The following SCN9A variants were observed in gnomAD, a reference collection of about 807,000 sequenced individuals.
SCN9A encodes the protein sodium channel protein type 9 subunit alpha.
In SCN9A, 131 loss-of-function variants were observed where a neutral mutation model predicts 187.0. The ratio of observed to expected loss-of-function variants is 0.70; its 90% CI spans 0.61 to 0.81. SCN9A has a LOEUF of 0.81. Ranked by LOEUF, SCN9A falls within the 30% of genes least tolerant of loss-of-function variation. The pLI is 0.00. For synonymous variants in SCN9A, 809 were observed against 808.6 expected, an observed-to-expected ratio of 1.00 and a Z score of -0.01; for missense variants, 2,252 against 2,396.6, an observed-to-expected ratio of 0.94 and a Z score of 1.26.
At position 166,197,488 on chromosome 2, in the gene SCN9A, A is replaced by T. The variant is rs11902920; in HGVS notation, c.*1184T>A. 1 of 152,166 alleles carries T rather than the reference A, an allele frequency of 6.6e-6. No individual in the cohort carries two copies. Among genetic ancestry groups the T allele is most frequent in the African/African-American group, 2.4e-5 (1 of 41,434 alleles). The allele number at this position is 152,166 out of a possible 1,614,324, so 9.4% of individuals were successfully genotyped here. On this transcript the variant is annotated 3_prime_UTR_variant, in exon 27 of 27. Transcript: ENST00000642356. ...AATTTAGGAAAGTAAGTTGGTGGCAAGAGAGCAAGTTGGCAAGAATCCCTA... is the reference window on the plus strand; with the variant it reads ...AATTTAGGAAAGTAAGTTGGTGGCATGAGAGCAAGTTGGCAAGAATCCCTA...
chr2:166,258,246 G>A (rs550846748), intron 17 of SCN9A, among the ~76,000 whole-genome samples: 51 of 151,498 alleles, frequency 3.4e-4, no homozygotes, highest in South Asian at 2.9e-3. Flanking sequence ...ATACATTTTA[G>A]AAATATTCAA....
rs185622259 is a variant in SCN9A, at chr2:166,358,233, C to A, written c.-51+17464G>T. Among the ~76,000 whole-genome samples, 502 of 151,950 alleles carry A rather than the reference C, an allele frequency of 3.3e-3. 5 individuals carry two copies. Among genetic ancestry groups the A allele is most frequent in the African/African-American group, 0.012 (481 of 41,428 alleles). ...TAGAGGTACCCACCACCACACCCGG[C>A]TAATTTTTGTACCTTTAGTAGAGAC... is the stretch of plus-strand genomic sequence containing the variant. On this transcript the variant is annotated intron_variant, in intron 1 of 26. Coordinates refer to ENST00000642356, the MANE Select transcript of SCN9A (RefSeq NM_001365536.1).
chr2:166,290,739 T>G (rs751608092), intron 9 of SCN9A, among the ~76,000 whole-genome samples: 3 of 152,098 alleles, frequency 2.0e-5, no homozygotes, highest in African/African-American at 7.2e-5. Context: ...TTCATATCCT[T>G]TGCCCACTTT....
At chr2:166,250,815 A>G (rs1376155908) in intron 18 of SCN9A, among the ~76,000 whole-genome samples, 2 of 152,092 alleles carry the variant, frequency 1.3e-5, no homozygotes, top group African/African-American at 4.8e-5. Context: ...CTCACATTTT[A>G]GTGTGCATGC....
chr2:166,201,908 A>C (rs1558943115), intron 26 of SCN9A, among the ~76,000 whole-genome samples: 2 of 151,584 alleles, frequency 1.3e-5, no homozygotes, highest in African/African-American at 4.8e-5. Flanking sequence ...ATTTATTTGC[A>C]TTTTTTGTGA....
intron 4 of SCN9A, 117 bp from the exon 5 acceptor site, chr2:166,306,037 T>C: frequency 1.6e-6 from 2 of 1,227,670 alleles, no homozygotes; most frequent in South Asian, 2.9e-5. Flanking sequence ...AGGATGGCTG[T>C]TGGGTTATGG....
At position 166,196,371 on chromosome 2, in the gene SCN9A, A is replaced by G. The variant is rs1170423697; in HGVS notation, c.*2301T>C. 3 of 152,178 alleles carry G rather than the reference A, an allele frequency of 2.0e-5. No individual in the cohort carries two copies. The highest frequency in any genetic ancestry group is 2.9e-5 in the Non-Finnish European group (2 of 68,026). The allele number at this position is 152,178 out of a possible 1,614,324, so 9.4% of individuals were successfully genotyped here. A position where few individuals can be genotyped will look rare whatever the true frequency, so the allele number is the denominator to read the frequency against. The stretch of plus-strand genomic sequence containing the variant: ...TAACCATGTTATTTTAAAAAAAAAC[A>G]TAGTTCATGAAATAGGAAAAAGAAC... On this transcript the variant is annotated 3_prime_UTR_variant, in exon 27 of 27. Transcript: ENST00000642356.
intron 2 of SCN9A, among the ~76,000 whole-genome samples, chr2:166,307,311 G>T (rs1013336781): frequency 6.6e-6 from 1 of 152,134 alleles, no homozygotes. Flanking sequence ...AGCATGTATT[G>T]CTTAGAGCTT....
At chr2:166,298,636 G>A (rs1698420846) in intron 7 of SCN9A, 1 of 152,058 alleles carries the variant, frequency 6.6e-6, no homozygotes, top group Admixed American at 6.6e-5. Context: ...CAATTCATTT[G>A]CCTTAGCACT....
At chr2:166,255,343 G>A (rs1055612905) in intron 17 of SCN9A, among the ~76,000 whole-genome samples, 10 of 151,466 alleles carry the variant, frequency 6.6e-5, no homozygotes, top group African/African-American at 2.4e-4. Context: ...TATACTGCTT[G>A]AGTAGAAATT....
intron 10 of SCN9A, among the ~76,000 whole-genome samples, chr2:166,288,118 T>TACACACACAC (rs1319223544): frequency 6.2e-5 from 6 of 96,244 alleles, no homozygotes; most frequent in African/African-American, 7.3e-5. Context: ...TATATATATA[T>TACACACACAC]ATACACACAC....
intron 9 of SCN9A, 40 bp downstream of exon 9, chr2:166,293,191 G>A (rs1283072750): frequency 1.3e-6 from 2 of 1,546,006 alleles, no homozygotes; most frequent in African/African-American, 1.4e-5. Context: ...AGGTACATAT[G>A]CCATTCAAAA....
intron 17 of SCN9A, among the ~76,000 whole-genome samples, chr2:166,257,291 G>C (rs867663146): frequency 6.6e-6 from 1 of 151,726 alleles, no homozygotes; most frequent in East Asian, 1.9e-4. Context: ...TAAAGGCAAA[G>C]TGTAGATACG....
rs1693300536 is a variant in SCN9A at position 166,198,223 on chromosome 2, C to T, written c.*449G>A. The T allele has an allele frequency of 6.3e-6, 1 of 158,782 alleles. No homozygotes were observed. The highest frequency in any genetic ancestry group is 6.0e-5 in the Admixed American group (1 of 16,582). The allele number at this position is 158,782 out of a possible 1,614,324, so 9.8% of individuals were successfully genotyped here. On this transcript the variant is annotated 3_prime_UTR_variant, in exon 27 of 27. Transcript: ENST00000642356. ...AAACATTCATAACTAATGTCCATTACTTCTATCAAGCATTTCATTGCAAAG... is the reference window on the plus strand; with the variant it reads ...AAACATTCATAACTAATGTCCATTATTTCTATCAAGCATTTCATTGCAAAG...
At chr2:166,210,601 T>C (rs1694046176) in intron 24 of SCN9A, among the ~76,000 whole-genome samples, 1 of 149,046 alleles carries the variant, frequency 6.7e-6, no homozygotes, top group Non-Finnish European at 1.5e-5. Context: ...GAGTGAAGGT[T>C]CATGGGACAT....
chr2:166,233,942 G>A (rs941607697), intron 20 of SCN9A, among the ~76,000 whole-genome samples: 1 of 152,038 alleles, frequency 6.6e-6, no homozygotes, highest in Admixed American at 6.6e-5. Context: ...TTGAGTTGGG[G>A]CAAATTCTCA....
At position 166,198,369 on chromosome 2, in the gene SCN9A, G is replaced by A. The variant is rs1693305511; in HGVS notation, c.*303C>T. On this transcript the variant is annotated 3_prime_UTR_variant, in exon 27 of 27. Transcript: ENST00000642356. ...TTACAATCCTGTGAAAAGATGACAA[G>A]GCAGATGTAAAAGTTTTCTACATGG... is the stretch of plus-strand genomic sequence containing the variant. 4.0e-6 allele frequency: 1 copy of A among 248,810 alleles called. No homozygotes were observed. Among genetic ancestry groups the A allele is most frequent in the Non-Finnish European group, 7.7e-6 (1 of 129,944 alleles). 15.4% of individuals were successfully genotyped at this position (248,810 alleles called of 1,614,324 possible). A position where few individuals can be genotyped will look rare whatever the true frequency, so the allele number is the denominator to read the frequency against.
Position 166,242,629 on chromosome 2 carries a change from T to C in SCN9A, c.3500A>G (p.Gln1167Arg). Residue 1167 changes from glutamine to arginine, a missense_variant, in exon 19 of 27, where the codon CAA (glutamine) becomes CGA (arginine). Gln to Arg is a conservative substitution (Grantham distance 43). Around this residue, in one of 7 missense-constraint regions of SCN9A, gnomAD observed 313 missense variants for 295.3 expected, o/e 1.06. Coordinates refer to ENST00000642356, the MANE Select transcript of SCN9A (RefSeq NM_001365536.1). Reference sequence around the variant, plus strand: ...TCCTTTCCCTGACTCTATGTTAACTTGGCAGCATGAGAACCTCCATACACA... The same window carrying C: ...TCCTTTCCCTGACTCTATGTTAACTCGGCAGCATGAGAACCTCCATACACA... The part of the protein sequence containing the change: ...DGCVWRFSCC[Q>R]VNIESGKGKI... 1 of 1,552,276 alleles carries C rather than the reference T, an allele frequency of 6.4e-7. No individual in the cohort carries two copies. The highest frequency in any genetic ancestry group is 8.7e-7 in the Non-Finnish European group (1 of 1,147,102).
chr2:166,208,109 T>A (rs989008518), intron 24 of SCN9A, among the ~76,000 whole-genome samples: 3 of 152,212 alleles, frequency 2.0e-5, no homozygotes, highest in African/African-American at 7.2e-5. Context: ...TCCTATAGCT[T>A]ATTTAGGCCT....
Sources: allele counts gnomAD v4.1 joint callset (sites outside exome capture counted in the v4.1 genomes callset), GRCh38; gene constraint gnomAD v4.1.1; regional missense constraint gnomAD v4.1.1; transcripts MANE v1.5; gene names NCBI Gene and HGNC (gene_info 2026-07-23, HGNC 2026-07-21).